The following STAG1 variants were observed in gnomAD, a reference collection of about 807,000 sequenced individuals.
STAG1 encodes cohesin subunit SA-1.
STAG1 carries 26 observed loss-of-function variants against 170.9 expected under a neutral mutation model. The observed-to-expected ratio is 0.15, with a 90% confidence interval of 0.11 to 0.21. STAG1 has a LOEUF of 0.21. Ranked by LOEUF, STAG1 falls within the 10% of genes least tolerant of loss-of-function variation. The pLI is 1.00. For synonymous variants in STAG1, 514 were observed against 497.7 expected (o/e 1.03, Z -0.44); for missense variants, 964 against 1,509.5 (o/e 0.64, Z 5.99).
intron 14 of STAG1, among the ~76,000 whole-genome samples, chr3:136,445,781 G>A (rs962830398): frequency 9.2e-5 from 14 of 152,042 alleles, no homozygotes; most frequent in Middle Eastern, 3.4e-3. Flanking sequence ...TTTAATTCTG[G>A]TTTATCTTGT....
At chr3:136,578,145 C>CT (rs1434398321) in intron 4 of STAG1, among the ~76,000 whole-genome samples, 1 of 152,160 alleles carries the variant, frequency 6.6e-6, no homozygotes, top group Non-Finnish European at 1.5e-5. Context: ...TAAGCTTACT[C>CT]TTTTTTGTAA....
chr3:136,639,593 A>G (rs1940714247), intron 1 of STAG1, among the ~76,000 whole-genome samples: 1 of 152,240 alleles, frequency 6.6e-6, no homozygotes, highest in Admixed American at 6.5e-5. Flanking sequence ...GGCTTAAGAA[A>G]ATAAACATCT....
chr3:136,472,198 T>G (rs910120121), intron 12 of STAG1, among the ~76,000 whole-genome samples: 2 of 152,074 alleles, frequency 1.3e-5, no homozygotes, highest in African/African-American at 4.8e-5. Flanking sequence ...CTGCATAAAA[T>G]AATTTTTATG....
chr3:136,358,602 TC>T (rs1044329856), intron 27 of STAG1, among the ~76,000 whole-genome samples: 8 of 152,184 alleles, frequency 5.3e-5, no homozygotes, highest in African/African-American at 1.9e-4. Context: ...AGAGTCAGGT[TC>T]TCACTCTGTT....
At chr3:136,608,249 A>T (rs1190995412) in intron 3 of STAG1, among the ~76,000 whole-genome samples, 2 of 144,616 alleles carry the variant, frequency 1.4e-5, no homozygotes, top group Admixed American at 1.4e-4. Flanking sequence ...ACAGAGCAAG[A>T]CTCCATCTCA....
intron 4 of STAG1, among the ~76,000 whole-genome samples, chr3:136,584,276 C>T (rs907101438): frequency 2.6e-5 from 4 of 152,156 alleles, no homozygotes; most frequent in South Asian, 2.1e-4. Flanking sequence ...CAGTAAAATT[C>T]CTCTATACAT....
intron 2 of STAG1, among the ~76,000 whole-genome samples, chr3:136,629,266 C>T (rs963817434): frequency 2.6e-5 from 4 of 152,156 alleles, no homozygotes; most frequent in African/African-American, 9.6e-5. Flanking sequence ...ATAAGGCACA[C>T]AATGCAGTTT....
intron 1 of STAG1, among the ~76,000 whole-genome samples, chr3:136,656,283 G>A (rs187744486): frequency 6.6e-6 from 1 of 152,112 alleles, no homozygotes; most frequent in Non-Finnish European, 1.5e-5. Flanking sequence ...TGGGGGCACT[G>A]AAGGGTTTTT....
intron 1 of STAG1, among the ~76,000 whole-genome samples, chr3:136,722,517 T>A (rs192327387): frequency 4.9e-4 from 75 of 152,198 alleles, no homozygotes; most frequent in Non-Finnish European, 3.2e-4. Context: ...GATTACAAGT[T>A]TTTAAGTAAC....
At chr3:136,374,177 T>TC (rs1408757042) in intron 23 of STAG1, among the ~76,000 whole-genome samples, 7 of 152,204 alleles carry the variant, frequency 4.6e-5, no homozygotes, top group African/African-American at 1.7e-4. Flanking sequence ...TGCCTTTTTT[T>TC]GTTTTCCATT....
rs114943988 is a variant in STAG1, at chr3:136,420,592, T to C, written c.2108+501A>G. ...TCACTAAATCTATTTTATCTTTTTG[T>C]TGTTACTGAGATCAGATCTCACTAT... On this transcript the variant is annotated intron_variant, in intron 20 of 33. Transcript: ENST00000383202. Among the ~76,000 whole-genome samples, 1,133 of 152,332 alleles carry C rather than the reference T, an allele frequency of 7.4e-3. 23 individuals are homozygous for C. The highest frequency in any genetic ancestry group is 0.025 in the African/African-American group (1,025 of 41,568).
intron 26 of STAG1, among the ~76,000 whole-genome samples, chr3:136,362,806 A>G (rs1463376388): frequency 6.6e-6 from 1 of 151,734 alleles, no homozygotes; most frequent in Admixed American, 6.6e-5. Context: ...ATAAACAGCT[A>G]TTTTTTTCAA....
chr3:136,418,409 TCATTTCCTTG>T (rs1260045247), intron 20 of STAG1, among the ~76,000 whole-genome samples: 2 of 138,832 alleles, frequency 1.4e-5, no homozygotes, highest in Non-Finnish European at 3.0e-5. Context: ...AAGGTTTTTT[TCATTTCCTTG>T]CAGAATTGAA....
intron 9 of STAG1, among the ~76,000 whole-genome samples, chr3:136,479,078 ATT>A: frequency 7.9e-6 from 1 of 127,022 alleles, no homozygotes; most frequent in African/African-American, 3.0e-5. Flanking sequence ...TTTTTTTTTA[ATT>A]TTTTTTTTTA....
At chr3:136,592,923 C>T (rs950120598) in intron 4 of STAG1, among the ~76,000 whole-genome samples, 1 of 152,180 alleles carries the variant, frequency 6.6e-6, no homozygotes, top group Admixed American at 6.6e-5. Context: ...GCTTGTAGTG[C>T]ACAACTTTGT....
chr3:136,575,250 G>A (rs1937411038), intron 4 of STAG1, among the ~76,000 whole-genome samples: 1 of 151,988 alleles, frequency 6.6e-6, no homozygotes, highest in Non-Finnish European at 1.5e-5. Flanking sequence ...TCTGAGACAG[G>A]GTCTCACTCT....
At chr3:136,700,131 G>A (rs1173302424) in intron 1 of STAG1, among the ~76,000 whole-genome samples, 1 of 149,956 alleles carries the variant, frequency 6.7e-6, no homozygotes, top group East Asian at 2.0e-4. Flanking sequence ...CCTATAATGT[G>A]ACAGTCCTTC....
intron 5 of STAG1, 117 bp from the exon 6 acceptor site, chr3:136,542,312 T>A: frequency 1.4e-6 from 1 of 692,626 alleles, no homozygotes; most frequent in Non-Finnish European, 2.4e-6. Flanking sequence ...TTCCAACATA[T>A]ATTTTATATT....
intron 22 of STAG1, among the ~76,000 whole-genome samples, chr3:136,395,777 C>T (rs189754715): frequency 8.5e-5 from 13 of 152,198 alleles, no homozygotes; most frequent in Middle Eastern, 3.4e-3. Flanking sequence ...ACAAAAATGA[C>T]GTCTGTGGGA....
Sources: allele counts gnomAD v4.1 joint callset (sites outside exome capture counted in the v4.1 genomes callset), GRCh38; gene constraint gnomAD v4.1.1; transcripts MANE v1.5; gene names NCBI Gene and HGNC (gene_info 2026-07-23, HGNC 2026-07-21).